Variants in SPTLC3 observed in about 807,000 individuals in gnomAD.
The protein encoded by SPTLC3 is serine palmitoyltransferase 3.
In SPTLC3, 36 loss-of-function variants were observed where a neutral mutation model predicts 59.3. That is an observed-to-expected ratio of 0.61 (90% CI 0.47 to 0.80). SPTLC3 has a LOEUF of 0.80. Ranked by LOEUF, SPTLC3 falls within the 30% of genes least tolerant of loss-of-function variation. The pLI is 0.00. For missense variants in SPTLC3, 625 were observed against 685.1 expected, an observed-to-expected ratio of 0.91 and a Z score of 0.98; for synonymous variants, 257 against 240.8, an observed-to-expected ratio of 1.07 and a Z score of -0.62.
At chr20:13,028,564 A>G (rs571989308) in intron 1 of SPTLC3, among the ~76,000 whole-genome samples, 93 of 152,330 alleles carry the variant, frequency 6.1e-4, no homozygotes, top group Middle Eastern at 3.4e-3. Context: ...AGCATAATAT[A>G]CTTATATGTT....
chr20:13,146,178 TA>T (rs1475857867), intron 9 of SPTLC3, among the ~76,000 whole-genome samples: 1 of 151,986 alleles, frequency 6.6e-6, no homozygotes, highest in African/African-American at 2.4e-5. Flanking sequence ...CACAGGAACA[TA>T]AAACCAAATA....
At chr20:13,051,440 G>A (rs1835657) in intron 2 of SPTLC3, among the ~76,000 whole-genome samples, 151,652 of 152,360 alleles carry the variant, frequency 1, 75,480 homozygotes, top group Middle Eastern at 1. Context: ...TTTATAAAAC[G>A]ATTACTAACA....
intron 10 of SPTLC3, among the ~76,000 whole-genome samples, chr20:13,155,148 C>G (rs1415668442): frequency 6.6e-6 from 1 of 151,894 alleles, no homozygotes; most frequent in Non-Finnish European, 1.5e-5. Context: ...CCACTGCACT[C>G]CAGCCTAGGT....
At chr20:13,159,951 G>A in intron 10 of SPTLC3, 52 bp from the exon 11 acceptor site, 1 of 1,448,760 alleles carries the variant, frequency 6.9e-7, no homozygotes, top group Non-Finnish European at 9.2e-7. Context: ...GGATAATTTT[G>A]TCTTTTCCCA....
intron 1 of SPTLC3, among the ~76,000 whole-genome samples, chr20:13,011,852 A>ATG (rs1985272205): frequency 6.6e-6 from 1 of 151,946 alleles, no homozygotes. Context: ...TTTTACTTGT[A>ATG]ACAGGACACT....
intron 2 of SPTLC3, among the ~76,000 whole-genome samples, chr20:13,059,378 A>G (rs1987859614): frequency 6.6e-6 from 1 of 152,160 alleles, no homozygotes; most frequent in African/African-American, 2.4e-5. Flanking sequence ...TTAGTTTATC[A>G]TGATCCTCAG....
rs538366734 is a variant in SPTLC3 at position 13,158,434 on chromosome 20, T to A, written c.1416-1569T>A. 2.0e-5 allele frequency among the ~76,000 whole-genome samples: 3 copies of A among 152,264 alleles called. No homozygotes were observed. In the South Asian group the frequency reaches 6.2e-4, roughly 32 times the overall value. Reference sequence around the variant, plus strand: ...CCTGCATTCTTTGGCAAAACGTGCTTCCTTTGGCACAAAGAGAAACATGCA... The same window carrying A: ...CCTGCATTCTTTGGCAAAACGTGCTACCTTTGGCACAAAGAGAAACATGCA... On this transcript the variant is annotated intron_variant, in intron 10 of 11. Transcript: ENST00000399002.
intron 4 of SPTLC3, chr20:13,079,698 A>G (rs1196983489): frequency 2.2e-6 from 1 of 458,350 alleles, no homozygotes; most frequent in Non-Finnish European, 4.5e-6. Context: ...GTTGCTTATG[A>G]CCAAACCCTG....
intron 2 of SPTLC3, among the ~76,000 whole-genome samples, chr20:13,065,408 C>T (rs565893912): frequency 1.3e-5 from 2 of 151,246 alleles, no homozygotes; most frequent in East Asian, 3.9e-4. Flanking sequence ...TATTTATGTA[C>T]CTTTTTTCCT....
At chr20:13,065,389 T>A (rs7264291) in intron 2 of SPTLC3, among the ~76,000 whole-genome samples, 21 of 151,218 alleles carry the variant, frequency 1.4e-4, no homozygotes, top group African/African-American at 5.1e-4. Context: ...CTAGTTTACC[T>A]TCTATTATTA....
intron 1 of SPTLC3, among the ~76,000 whole-genome samples, chr20:13,011,483 T>C (rs908281513): frequency 6.6e-6 from 1 of 152,206 alleles, no homozygotes; most frequent in African/African-American, 2.4e-5. Flanking sequence ...TTATCTCTTT[T>C]ATACATTAGG....
At chr20:13,111,714 C>T (rs1307622843) in intron 7 of SPTLC3, among the ~76,000 whole-genome samples, 1 of 152,128 alleles carries the variant, frequency 6.6e-6, no homozygotes, top group Non-Finnish European at 1.5e-5. Flanking sequence ...GGCCTAGATT[C>T]GTGGGAACAC....
chr20:13,104,798 A>T (rs116075131), intron 6 of SPTLC3, among the ~76,000 whole-genome samples: 2,057 of 152,248 alleles, frequency 0.014, 40 homozygotes, highest in African/African-American at 0.047. Flanking sequence ...CTTTTATTTT[A>T]ATTTCCGTAT....
Position 13,009,052 on chromosome 20 carries a change from C to T in SPTLC3, c.-216C>T, listed in dbSNP as rs893044225. The T allele has an allele frequency of 2.0e-5, 9 of 449,106 alleles. No homozygotes were observed. The highest frequency in any genetic ancestry group is 7.9e-5 in the East Asian group (2 of 25,324). The allele number at this position is 449,106 out of a possible 1,614,324, so 27.8% of individuals were successfully genotyped here. Reference sequence around the variant, plus strand: ...TGTTGCCATGGAGTTCACATTTTGACGGGAGTTGAGAAGTATAAAGGTAAC... The same window carrying T: ...TGTTGCCATGGAGTTCACATTTTGATGGGAGTTGAGAAGTATAAAGGTAAC... On this transcript the variant is annotated 5_prime_UTR_variant, in exon 1 of 12. In the 5' UTR this introduces an upstream ATG that the reference lacks. Transcript: ENST00000399002.
intron 7 of SPTLC3, among the ~76,000 whole-genome samples, chr20:13,111,136 T>A (rs1990209712): frequency 6.6e-6 from 1 of 152,190 alleles, no homozygotes; most frequent in Non-Finnish European, 1.5e-5. Flanking sequence ...ATTTTATTTT[T>A]AACATTTTTA....
At chr20:13,019,217 T>C (rs1985735165) in intron 1 of SPTLC3, among the ~76,000 whole-genome samples, 1 of 152,188 alleles carries the variant, frequency 6.6e-6, no homozygotes, top group African/African-American at 2.4e-5. Flanking sequence ...CTTGATAGTT[T>C]TTCCAACTTT....
At chr20:13,022,451 G>A (rs887491208) in intron 1 of SPTLC3, among the ~76,000 whole-genome samples, 7 of 152,190 alleles carry the variant, frequency 4.6e-5, no homozygotes, top group African/African-American at 1.7e-4. Flanking sequence ...CAGGAATTCA[G>A]AAAAGGAACA....
intron 1 of SPTLC3, among the ~76,000 whole-genome samples, chr20:13,014,480 A>G (rs371364226): frequency 2.6e-5 from 4 of 152,296 alleles, no homozygotes; most frequent in South Asian, 4.1e-4. Flanking sequence ...CCTTTGGCCA[A>G]TGAAAGATGA....
intron 4 of SPTLC3, among the ~76,000 whole-genome samples, chr20:13,078,289 A>G (rs917080499): frequency 6.7e-6 from 1 of 150,290 alleles, no homozygotes. Context: ...GAATAACATA[A>G]TCAAGTAATT....
Sources: gnomAD v4.1 joint callset for allele counts (sites outside exome capture counted in the v4.1 genomes callset) on GRCh38, gnomAD v4.1.1 for gene constraint, MANE v1.5 for transcripts, NCBI Gene and HGNC (gene_info 2026-07-23, HGNC 2026-07-21) for gene names.